SOX6: variants seen among roughly 807,000 people sequenced by gnomAD.
SOX6 encodes transcription factor SOX-6.
SOX6 carries 11 observed loss-of-function variants against 97.8 expected under a neutral mutation model. The observed-to-expected ratio is 0.11, with a 90% CI of 0.07 to 0.19. The LOEUF is 0.19. SOX6 is among the 10% of genes least tolerant of loss of function. The pLI is 1.00. For synonymous variants in SOX6, 360 were observed against 371.4 expected (o/e 0.97, Z 0.35); for missense variants, 810 against 1,039.5 (o/e 0.78, Z 3.04).
chr11:16,161,088 T>C (rs986224677), intron 6 of SOX6, among the ~76,000 whole-genome samples: 1 of 152,040 alleles, frequency 6.6e-6, no homozygotes, highest in African/African-American at 2.4e-5. Flanking sequence ...ATATGGAGCA[T>C]TTGCCAGTTT....
At chr11:16,362,584 C>G (rs1436641342) in intron 1 of SOX6, among the ~76,000 whole-genome samples, 1 of 151,846 alleles carries the variant, frequency 6.6e-6, no homozygotes, top group Admixed American at 6.6e-5. Context: ...TATAATATAG[C>G]ATGACTATAC....
At chr11:16,462,326 G>C (rs1193092011) in intron 1 of SOX6, among the ~76,000 whole-genome samples, 2 of 152,236 alleles carry the variant, frequency 1.3e-5, no homozygotes, top group Admixed American at 1.3e-4. Flanking sequence ...GGTAAAGATA[G>C]TTATTGCTTC....
At chr11:16,514,553 TTTA>T (rs1455788140) in intron 4 of SOX6, among the ~76,000 whole-genome samples, 1 of 151,984 alleles carries the variant, frequency 6.6e-6, no homozygotes, top group Non-Finnish European at 1.5e-5. Context: ...TTTTTTTTCT[TTTA>T]TTATTATACT....
intron 13 of SOX6, among the ~76,000 whole-genome samples, chr11:15,993,358 A>G (rs1854112359): frequency 6.6e-6 from 1 of 152,224 alleles, no homozygotes; most frequent in Non-Finnish European, 1.5e-5. Context: ...ATCAGAATCC[A>G]GAACTTGGAA....
At chr11:16,053,379 A>G (rs1847730946) in intron 10 of SOX6, among the ~76,000 whole-genome samples, 1 of 152,130 alleles carries the variant, frequency 6.6e-6, no homozygotes, top group Admixed American at 6.6e-5. Flanking sequence ...GTGTTTATTT[A>G]GGATCTCTCC....
intron 4 of SOX6, among the ~76,000 whole-genome samples, chr11:16,550,812 A>C (rs983282457): frequency 2.0e-5 from 3 of 152,206 alleles, no homozygotes; most frequent in Non-Finnish European, 4.4e-5. Context: ...ATTTATTGTA[A>C]ACTTTAAAGC....
chr11:16,402,755 T>C (rs1858594076), intron 1 of SOX6: 3 of 1,608,378 alleles, frequency 1.9e-6, no homozygotes, highest in Admixed American at 1.7e-5. Context: ...TGGCTAGAAA[T>C]ATTAGGAAAA....
At chr11:16,029,107 A>G (rs1855289076) in intron 12 of SOX6, among the ~76,000 whole-genome samples, 1 of 152,222 alleles carries the variant, frequency 6.6e-6, no homozygotes, top group Non-Finnish European at 1.5e-5. Flanking sequence ...TCTAAAAGCA[A>G]GTGCTTCAAC....
At chr11:16,067,010 C>G (rs1266705394) in intron 9 of SOX6, among the ~76,000 whole-genome samples, 1 of 152,170 alleles carries the variant, frequency 6.6e-6, no homozygotes, top group East Asian at 1.9e-4. Context: ...TGGCCAATTT[C>G]TCCCATTTGG....
chr11:16,110,767 T>G (rs1849210254), intron 7 of SOX6, among the ~76,000 whole-genome samples: 1 of 152,190 alleles, frequency 6.6e-6, no homozygotes, highest in African/African-American at 2.4e-5. Flanking sequence ...TAAAATGCAC[T>G]AGGCTTGTTT....
intron 12 of SOX6, among the ~76,000 whole-genome samples, chr11:16,024,353 T>G (rs558979151): frequency 9.9e-4 from 150 of 152,120 alleles, no homozygotes; most frequent in African/African-American, 3.5e-3. Flanking sequence ...AGCTTCTACC[T>G]CTTATGCCAT....
At chr11:16,188,186 C>A (rs1003816979) in intron 4 of SOX6, among the ~76,000 whole-genome samples, 1 of 142,676 alleles carries the variant, frequency 7.0e-6, no homozygotes, top group African/African-American at 2.7e-5. Flanking sequence ...GAGAAGCTAC[C>A]ACATTTAGGA....
chr11:16,012,776 T>G (rs1854771292), intron 13 of SOX6, among the ~76,000 whole-genome samples: 1 of 151,998 alleles, frequency 6.6e-6, no homozygotes, highest in Non-Finnish European at 1.5e-5. Flanking sequence ...GCCTCAGTTT[T>G]CTCACCTGTA....
intron 3 of SOX6, among the ~76,000 whole-genome samples, chr11:16,691,154 T>C (rs1848010387): frequency 6.6e-6 from 1 of 152,240 alleles, no homozygotes. Flanking sequence ...ACAATCCTGA[T>C]AACCATCAGA....
intron 13 of SOX6, among the ~76,000 whole-genome samples, chr11:15,997,038 G>A (rs1312374442): frequency 3.3e-5 from 5 of 152,116 alleles, no homozygotes; most frequent in Non-Finnish European, 5.9e-5. Flanking sequence ...TATTTGGACT[G>A]AAAGAGGAGA....
chr11:16,357,249 T>C (rs1465111505), upstream of SOX6, among the ~76,000 whole-genome samples: 1 of 152,126 alleles, frequency 6.6e-6, no homozygotes, highest in East Asian at 1.9e-4. Context: ...TCTTAATTCC[T>C]CTTTCCAAAA....
chr11:16,731,468 C>T (rs556823745), intron 2 of SOX6, among the ~76,000 whole-genome samples: 2 of 152,146 alleles, frequency 1.3e-5, no homozygotes, highest in East Asian at 3.9e-4. Context: ...TGTAATCCAT[C>T]GCATACACAG....
chr11:16,233,745 C>T (rs1282637234), intron 4 of SOX6, among the ~76,000 whole-genome samples: 1 of 152,006 alleles, frequency 6.6e-6, no homozygotes, highest in African/African-American at 2.4e-5. Context: ...TGCGGTGACT[C>T]ACACCTGTAA....
intron 4 of SOX6, among the ~76,000 whole-genome samples, chr11:16,574,301 AAAG>A (rs1297789285): frequency 1.4e-4 from 21 of 152,268 alleles, no homozygotes; most frequent in Non-Finnish European, 1.0e-4. Context: ...AAACACATCA[AAAG>A]AACGTAATAA....
Sources: gnomAD v4.1 joint callset for allele counts (sites outside exome capture counted in the v4.1 genomes callset) on GRCh38, gnomAD v4.1.1 for gene constraint, MANE v1.5 for transcripts, NCBI Gene and HGNC (gene_info 2026-07-23, HGNC 2026-07-21) for gene names.